Variants in MEI4 observed in about 807,000 individuals in gnomAD.
The protein encoded by MEI4 is meiosis-specific protein MEI4.
In MEI4, 27 loss-of-function variants were observed where a neutral mutation model predicts 31.4. That is an observed-to-expected ratio of 0.86 (90% CI 0.63 to 1.19). The LOEUF is 1.19. Ranked by LOEUF, MEI4 falls within the 50% of genes most tolerant of loss-of-function variation. The probability of loss-of-function intolerance (pLI) is 0.00; values close to 1 mark genes in which losing one functional copy is unlikely to be tolerated. For missense variants in MEI4, 329 were observed against 398.9 expected (o/e 0.82, Z 1.49); for synonymous variants, 122 against 145.4 (o/e 0.84, Z 1.16).
At chr6:77,805,308 C>G (rs577767969) in intron 3 of MEI4, among the ~76,000 whole-genome samples, 1 of 152,174 alleles carries the variant, frequency 6.6e-6, no homozygotes, top group Non-Finnish European at 1.5e-5. Context: ...CCATTCCCTG[C>G]TATGTTTTTC....
chr6:77,730,362 T>C (rs1487281135), intron 2 of MEI4, among the ~76,000 whole-genome samples: 10 of 152,136 alleles, frequency 6.6e-5, no homozygotes, highest in South Asian at 4.1e-4. Flanking sequence ...GTGTGTGATA[T>C]TGACATCACA....
chr6:77,740,161 G>C, intron 2 of MEI4, among the ~76,000 whole-genome samples: 1 of 152,140 alleles, frequency 6.6e-6, no homozygotes, highest in East Asian at 1.9e-4. Context: ...TGTCGTCTGA[G>C]AGAATGGCTG....
chr6:77,668,378 A>G (rs1768677190), intron 1 of MEI4, among the ~76,000 whole-genome samples: 1 of 152,152 alleles, frequency 6.6e-6, no homozygotes, highest in South Asian at 2.1e-4. Context: ...GTTAGGTATT[A>G]AATTTTCAGT....
chr6:77,873,055 CTTTATAGCAGCATGATTTATAGTCT>C (rs1581940530), intron 4 of MEI4, among the ~76,000 whole-genome samples: 1 of 151,778 alleles, frequency 6.6e-6, no homozygotes, highest in South Asian at 2.1e-4. Flanking sequence ...GTGCATGTGT[CTTTATAGCAGCATGATTTATAGTCT>C]TTTATAGCAG....
chr6:77,714,279 A>T (rs929457760), intron 2 of MEI4, among the ~76,000 whole-genome samples: 8 of 152,078 alleles, frequency 5.3e-5, no homozygotes, highest in Admixed American at 3.9e-4. Context: ...ACAACACCAT[A>T]GTCTATAAAA....
At chr6:77,849,842 T>A (rs1026380400) in intron 4 of MEI4, among the ~76,000 whole-genome samples, 1 of 152,210 alleles carries the variant, frequency 6.6e-6, no homozygotes, top group Non-Finnish European at 1.5e-5. Context: ...ATTGCTACTT[T>A]ATACAATATT....
At chr6:77,891,883 G>C (rs551046376) in intron 4 of MEI4, among the ~76,000 whole-genome samples, 3 of 152,332 alleles carry the variant, frequency 2.0e-5, no homozygotes, top group African/African-American at 7.2e-5. Flanking sequence ...TGAGGCAGCT[G>C]TAATCAATGT....
intron 4 of MEI4, among the ~76,000 whole-genome samples, chr6:77,846,115 T>C (rs1770477345): frequency 2.6e-5 from 4 of 152,096 alleles, no homozygotes; most frequent in African/African-American, 7.2e-5. Context: ...ATTTCAATTT[T>C]GTTTTTTCTT....
intron 3 of MEI4, among the ~76,000 whole-genome samples, chr6:77,806,104 G>A (rs2127702984): frequency 6.6e-6 from 1 of 152,182 alleles, no homozygotes; most frequent in South Asian, 2.1e-4. Context: ...TTGGCCAAAA[G>A]AAAAGAGGAC....
intron 2 of MEI4, among the ~76,000 whole-genome samples, chr6:77,704,910 T>C (rs1161091033): frequency 1.3e-5 from 2 of 152,132 alleles, no homozygotes; most frequent in Non-Finnish European, 2.9e-5. Context: ...ATTTGGCACC[T>C]GGTCACCAAA....
chr6:77,831,086 G>C (rs553473726), intron 4 of MEI4, among the ~76,000 whole-genome samples: 1 of 149,644 alleles, frequency 6.7e-6, no homozygotes, highest in South Asian at 2.1e-4. Context: ...ATTAAAAATG[G>C]CCAAAATACC....
intron 3 of MEI4, among the ~76,000 whole-genome samples, chr6:77,812,906 G>A (rs771044540): frequency 3.3e-5 from 5 of 152,036 alleles, no homozygotes; most frequent in African/African-American, 9.7e-5. Flanking sequence ...ATTAGGGAAA[G>A]GTTATTTAAA....
At chr6:77,794,471 G>A (rs950281331) in intron 3 of MEI4, among the ~76,000 whole-genome samples, 2 of 152,136 alleles carry the variant, frequency 1.3e-5, no homozygotes, top group African/African-American at 4.8e-5. Flanking sequence ...GGTGAGGCAG[G>A]AGAATGGCAT....
At chr6:77,791,104 C>A (rs2127695915) in intron 3 of MEI4, among the ~76,000 whole-genome samples, 1 of 152,124 alleles carries the variant, frequency 6.6e-6, no homozygotes, top group East Asian at 1.9e-4. Context: ...CTAGTTCAAC[C>A]ATTGTGGAAG....
chr6:77,651,168 G>A (rs764944153), upstream of MEI4, among the ~76,000 whole-genome samples: 10 of 152,136 alleles, frequency 6.6e-5, no homozygotes, highest in Non-Finnish European at 1.2e-4. Context: ...TGGAGGAGGT[G>A]TCCCTTTAAG....
intron 3 of MEI4, among the ~76,000 whole-genome samples, chr6:77,765,411 T>TG (rs1312254207): frequency 6.6e-6 from 1 of 151,750 alleles, no homozygotes; most frequent in East Asian, 1.9e-4. Context: ...ATTTTATTTT[T>TG]TTTTAAATTT....
chr6:77,888,266 A>T (rs1016420356), intron 4 of MEI4, among the ~76,000 whole-genome samples: 3 of 150,504 alleles, frequency 2.0e-5, no homozygotes, highest in South Asian at 2.1e-4. Flanking sequence ...TTAGAATATT[A>T]TTGATAGGTG....
At chr6:77,727,234 T>A (rs1766849956) in intron 2 of MEI4, among the ~76,000 whole-genome samples, 1 of 152,134 alleles carries the variant, frequency 6.6e-6, no homozygotes, top group Non-Finnish European at 1.5e-5. Flanking sequence ...GAAAAGGAGG[T>A]AAATGCATCA....
intron 4 of MEI4, among the ~76,000 whole-genome samples, chr6:77,876,273 C>A (rs1487957141): frequency 2.0e-5 from 3 of 152,168 alleles, no homozygotes; most frequent in Non-Finnish European, 4.4e-5. Flanking sequence ...GAGGCGGGGC[C>A]TTTAAGAGGT....
Sources: gnomAD v4.1 joint callset for allele counts (sites outside exome capture counted in the v4.1 genomes callset) on GRCh38, gnomAD v4.1.1 for gene constraint, MANE v1.5 for transcripts, NCBI Gene and HGNC (gene_info 2026-07-23, HGNC 2026-07-21) for gene names.